The following MLLT1 variants were observed in gnomAD, a reference collection of about 807,000 sequenced individuals.
MLLT1 encodes MLLT1 super elongation complex subunit.
MLLT1 carries 11 observed loss-of-function variants against 55.1 expected under a neutral mutation model. The observed-to-expected ratio is 0.20, with a 90% confidence interval of 0.13 to 0.33. The LOEUF (loss-of-function observed/expected upper bound fraction) is 0.33, where lower values mean the gene tolerates loss of function less well. Ranked by LOEUF, MLLT1 falls within the 10% of genes least tolerant of loss-of-function variation. The pLI is 1.00. For synonymous variants in MLLT1, 323 were observed against 320.1 expected, an observed-to-expected ratio of 1.01 and a Z score of -0.10; for missense variants, 536 against 760.6, an observed-to-expected ratio of 0.70 and a Z score of 3.47.
Position 6,214,009 on chromosome 19 carries a change from TTGTCACTCTCGC to T in MLLT1, c.1325_1336del (p.Ser442_Asp445del). The T allele has an allele frequency of 6.9e-7, 1 of 1,451,966 alleles. No homozygotes were observed. 89.9% of individuals were successfully genotyped at this position (1,451,966 alleles called of 1,614,324 possible). A position where few individuals can be genotyped will look rare whatever the true frequency, so the allele number is the denominator to read the frequency against. On this transcript the variant is annotated inframe_deletion, in exon 9 of 12. Transcript: ENST00000252674. Reference sequence around the variant, plus strand: ...GCTGGGCAGGGAGGAGTCGGCGCTGTTGTCACTCTCGCTGTCGCTGAAGCTCAACCTGAACCG... The same window carrying T: ...GCTGGGCAGGGAGGAGTCGGCGCTGTTGTCGCTGAAGCTCAACCTGAACCG...
chr19:6,215,893 AG>A (rs1283405958), intron 8 of MLLT1, among the ~76,000 whole-genome samples: 2 of 152,152 alleles, frequency 1.3e-5, no homozygotes, highest in Non-Finnish European at 2.9e-5. Context: ...GCATATCCCA[AG>A]GATGTGCCTC....
chr19:6,271,339 G>A (rs1225003205), intron 1 of MLLT1, among the ~76,000 whole-genome samples: 2 of 152,206 alleles, frequency 1.3e-5, no homozygotes, highest in East Asian at 1.9e-4. Context: ...GCGCCTCCCG[G>A]AGGCCCCTCT....
intron 3 of MLLT1, among the ~76,000 whole-genome samples, chr19:6,239,734 TCA>T (rs916389094): frequency 1.3e-5 from 2 of 151,114 alleles, no homozygotes; most frequent in Admixed American, 6.6e-5. Flanking sequence ...ACTCATACAC[TCA>T]GACTTACACA....
rs2090897662 is a variant in MLLT1, at chr19:6,221,651, AG to A, written c.1110+469del. 2.0e-5 allele frequency among the ~76,000 whole-genome samples: 3 copies of A among 152,190 alleles called. 1 individual carries two copies. Among genetic ancestry groups the A allele is most frequent in the Non-Finnish European group, 4.4e-5 (3 of 68,024 alleles). On this transcript the variant is annotated intron_variant, in intron 6 of 11. Coordinates refer to ENST00000252674, the MANE Select transcript of MLLT1 (RefSeq NM_005934.4). ...CACGGACCTGTTGCTCCTCATGGCT[AG>A]GGGCTGTCTGAAGCCCTCATCATTA...
rs905094415 is a variant in MLLT1 at position 6,226,003 on chromosome 19, G to C, written c.546+974C>G. Among the ~76,000 whole-genome samples the C allele has an allele frequency of 6.6e-6, 1 of 152,238 alleles. No individual in the cohort carries two copies. Among genetic ancestry groups the C allele is most frequent in the Non-Finnish European group, 1.5e-5 (1 of 68,046 alleles). The stretch of plus-strand genomic sequence containing the variant: ...GTTTCCTACTCAGAGAATCTGGCAA[G>C]TCTGACGATTTCTAAGACCTGCTGG... On this transcript the variant is annotated intron_variant, in intron 5 of 11. Coordinates refer to ENST00000252674, the MANE Select transcript of MLLT1 (RefSeq NM_005934.4). The surrounding 1 kb of genome is among the most constrained non-coding windows in gnomAD (Gnocchi z 6.3).
chr19:6,245,874 C>A (rs1052641220), intron 3 of MLLT1, among the ~76,000 whole-genome samples: 10 of 151,950 alleles, frequency 6.6e-5, no homozygotes, highest in Non-Finnish European at 1.3e-4. Flanking sequence ...CCCATCCAGC[C>A]TAAGCGACAC....
intron 2 of MLLT1, among the ~76,000 whole-genome samples, chr19:6,269,174 C>T (rs2091373471): frequency 6.6e-6 from 1 of 152,252 alleles, no homozygotes; most frequent in African/African-American, 2.4e-5. Flanking sequence ...CATGGCCGTG[C>T]ACCAATAAAA....
Position 6,273,738 on chromosome 19 carries a change from G to A in MLLT1, c.13-2979C>T, listed in dbSNP as rs1248545377. ...TCATGGGAACAGCACCAGGATGCGGGAGAACGACCCCTGCTTCTGTGGAGC... is the reference window on the plus strand; with the variant it reads ...TCATGGGAACAGCACCAGGATGCGGAAGAACGACCCCTGCTTCTGTGGAGC... On this transcript the variant is annotated intron_variant, in intron 1 of 11. Coordinates refer to ENST00000252674, the MANE Select transcript of MLLT1 (RefSeq NM_005934.4). This position sits in a 1 kb window ranked among gnomAD's most constrained non-coding sequence, Gnocchi z 4.3. 6.6e-6 allele frequency among the ~76,000 whole-genome samples: 1 copy of A among 152,224 alleles called. No individual in the cohort carries two copies. Among genetic ancestry groups the A allele is most frequent in the Non-Finnish European group, 1.5e-5 (1 of 68,040 alleles).
rs2090773041 is a variant in MLLT1 at position 6,211,640 on chromosome 19, C to A, written c.*1402G>T. 8.5e-6 allele frequency: 9 copies of A among 1,065,030 alleles called. No individual in the cohort carries two copies. Among genetic ancestry groups the A allele is most frequent in the Non-Finnish European group, 1.0e-5 (9 of 879,028 alleles). 66.0% of individuals were successfully genotyped at this position (1,065,030 alleles called of 1,614,324 possible). Reference sequence around the variant, plus strand: ...TTTTCCTCATAACTTGGTCAGGGCACAAGGACTTGAAAGGACTTGAAAGTC... The same window carrying A: ...TTTTCCTCATAACTTGGTCAGGGCAAAAGGACTTGAAAGGACTTGAAAGTC... On this transcript the variant is annotated 3_prime_UTR_variant, in exon 12 of 12. Transcript: ENST00000252674. The surrounding 1 kb of genome is among the most constrained non-coding windows in gnomAD (Gnocchi z 4.6).
chr19:6,270,582 G>A lies in MLLT1; in HGVS notation c.190C>T (p.Arg64Cys). The A allele has an allele frequency of 6.2e-7, 1 of 1,610,958 alleles. No individual in the cohort carries two copies. ...CTCAGGGCTTGAGGCCACTCACCGC[G>A]TCTGGGCTTGGGGAAGCTGTCGTGC... ...WLHDSFPKPRRVCKEPPYKVE... is the reference protein window; with the variant it reads ...WLHDSFPKPRCVCKEPPYKVE... Residue 64 changes from arginine (R) to cysteine (C), a missense_variant, in exon 2 of 12, where the codon CGC (arginine) becomes TGC (cysteine). Around this residue, in one of 3 missense-constraint regions of MLLT1, gnomAD observed 62 missense variants for 195.8 expected, o/e 0.32. Coordinates refer to ENST00000252674, the MANE Select transcript of MLLT1 (RefSeq NM_005934.4). The surrounding 1 kb of genome is among the most constrained non-coding windows in gnomAD (Gnocchi z 7.1).
intron 6 of MLLT1, among the ~76,000 whole-genome samples, chr19:6,218,328 C>T (rs886523769): frequency 2.2e-4 from 33 of 152,246 alleles, no homozygotes; most frequent in Admixed American, 5.2e-4. Context: ...CCTGTCTACC[C>T]AGGCAGGTGC....
Position 6,231,031 on chromosome 19 carries a change from G to A in MLLT1, c.277-318C>T, listed in dbSNP as rs116746334. Among the ~76,000 whole-genome samples, 379 of 152,272 alleles carry A rather than the reference G, an allele frequency of 2.5e-3. 3 individuals are homozygous for A. Among genetic ancestry groups the A allele is most frequent in the African/African-American group, 8.6e-3 (356 of 41,566 alleles). ...GCCACTGACAGACAGGGAAACCGAC[G>A]CACAGACACCAACTAACACGTGGCA... On this transcript the variant is annotated intron_variant, in intron 3 of 11. Coordinates refer to ENST00000252674, the MANE Select transcript of MLLT1 (RefSeq NM_005934.4). The surrounding 1 kb of genome is among the most constrained non-coding windows in gnomAD (Gnocchi z 5.1).
rs1452925658 is a variant in MLLT1, at chr19:6,262,471, ACTTCCACGGCAAAGTTAT to A, written c.194-179_194-162del. Among the ~76,000 whole-genome samples the A allele has an allele frequency of 1.3e-5, 2 of 151,940 alleles. No homozygotes were observed. Among genetic ancestry groups the A allele is most frequent in the African/African-American group, 2.4e-5 (1 of 41,352 alleles). ...GGAGGTTAAGCCCCCGACAGGATTG[ACTTCCACGGCAAAGTTAT>A]CTTAGGAATAAAACAGCAGGGAAGA... On this transcript the variant is annotated intron_variant, in intron 2 of 11. Transcript: ENST00000252674. This position sits in a 1 kb window ranked among gnomAD's most constrained non-coding sequence, Gnocchi z 4.4.
At chr19:6,260,299 G>C (rs1275703277) in intron 3 of MLLT1, among the ~76,000 whole-genome samples, 1 of 152,218 alleles carries the variant, frequency 6.6e-6, no homozygotes, top group African/African-American at 2.4e-5. Flanking sequence ...GCTTCAGGAA[G>C]TCAGGACAGA....
At chr19:6,242,634 G>T (rs2091126034) in intron 3 of MLLT1, among the ~76,000 whole-genome samples, 1 of 152,162 alleles carries the variant, frequency 6.6e-6, no homozygotes, top group Non-Finnish European at 1.5e-5. Flanking sequence ...CTGCTCTCAG[G>T]ACGGGTTCCT....
rs547438684 is a variant in MLLT1, at chr19:6,256,464, G to GA, written c.276+5763dup. ...ATAGAGCAAGACTCTGACAAAAAAAGAAAAAAAAGGCGGGGCACGGTGGCT... is the reference window on the plus strand; with the variant it reads ...ATAGAGCAAGACTCTGACAAAAAAAGAAAAAAAAAGGCGGGGCACGGTGGCT... On this transcript the variant is annotated intron_variant, in intron 3 of 11. Coordinates refer to ENST00000252674, the MANE Select transcript of MLLT1 (RefSeq NM_005934.4). This position sits in a 1 kb window ranked among gnomAD's most constrained non-coding sequence, Gnocchi z 4.1. Among the ~76,000 whole-genome samples the GA allele has an allele frequency of 6.7e-6, 1 of 150,112 alleles. No individual in the cohort carries two copies. Among genetic ancestry groups the GA allele is most frequent in the Non-Finnish European group, 1.5e-5 (1 of 67,416 alleles).
intron 3 of MLLT1, among the ~76,000 whole-genome samples, chr19:6,253,264 CAAAAAAAAAAAAAAAA>C (rs71172800): frequency 2.4e-3 from 59 of 24,584 alleles, no homozygotes; most frequent in African/African-American, 5.4e-3. Flanking sequence ...GACCCCATCT[CAAAAAAAAAAAAAAAA>C]AAAAAAAAAA....
chr19:6,278,051 C>T (rs1427255592), intron 1 of MLLT1, among the ~76,000 whole-genome samples: 1 of 152,136 alleles, frequency 6.6e-6, no homozygotes, highest in African/African-American at 2.4e-5. Context: ...CCACAGGCGC[C>T]GAGATGGGCA....
At position 6,214,024 on chromosome 19, in the gene MLLT1, T is replaced by C. The variant is rs1368624048; in HGVS notation, c.1322A>G (p.Asp441Gly). 3 of 1,443,498 alleles carry C rather than the reference T, an allele frequency of 2.1e-6. No homozygotes were observed. The highest frequency in any genetic ancestry group is 2.7e-6 in the Non-Finnish European group (3 of 1,099,930). The allele number at this position is 1,443,498 out of a possible 1,614,324, so 89.4% of individuals were successfully genotyped here. A position where few individuals can be genotyped will look rare whatever the true frequency, so the allele number is the denominator to read the frequency against. Residue 441 changes from aspartate to glycine, a missense_variant, in exon 9 of 12, where the codon GAC becomes GGC. By Grantham distance (94) the Asp-to-Gly change is moderately conservative. Transcript: ENST00000252674. ...GTCGGCGCTGTTGTCACTCTCGCTGTCGCTGAAGCTCAACCTGAACCGACA... is the reference window on the plus strand; with the variant it reads ...GTCGGCGCTGTTGTCACTCTCGCTGCCGCTGAAGCTCAACCTGAACCGACA... ...PGRDSRLSFS[D>G]SESDNSADSS... is the part of the protein sequence containing the mutation.
Sources: gnomAD v4.1 joint callset for allele counts (sites outside exome capture counted in the v4.1 genomes callset) on GRCh38, gnomAD v4.1.1 for gene constraint, gnomAD v4.1.1 regional missense constraint, Gnocchi (gnomAD v3.1) non-coding constraint, MANE v1.5 for transcripts, NCBI Gene and HGNC (gene_info 2026-07-23, HGNC 2026-07-21) for gene names.